The following NDUFS8 variants were observed in gnomAD, a reference collection of about 807,000 sequenced individuals.
NDUFS8 encodes the protein NADH:ubiquinone oxidoreductase core subunit S8.
A neutral mutation model predicts 25.6 loss-of-function variants in NDUFS8; 13 were observed. The observed-to-expected ratio is 0.51, with a 90% CI of 0.33 to 0.81. NDUFS8 has a LOEUF of 0.81. Among genes scored for constraint, NDUFS8 ranks in the 30% least tolerant of loss-of-function variants. NDUFS8 has a pLI of 0.02. For synonymous variants in NDUFS8, 119 were observed against 119.4 expected, an observed-to-expected ratio of 1.00 and a Z score of 0.02; for missense variants, 257 against 300.9, an observed-to-expected ratio of 0.85 and a Z score of 1.08.
rs191280028 is a variant in NDUFS8, at chr11:68,036,111, G to A, written c.373-142G>A. 112 of 1,363,258 alleles carry A rather than the reference G, an allele frequency of 8.2e-5. No homozygotes were observed. The African/African-American group carries it at 1.1e-3, about 14-fold the overall frequency. The allele number at this position is 1,363,258 out of a possible 1,614,324, so 84.4% of individuals were successfully genotyped here. On this transcript the variant is annotated intron_variant, in intron 5 of 6. Transcript: ENST00000313468. ...GGCGCGAGCACCAGAGGTGCAGGGC[G>A]GCCTCTTAGCCGGAGTCCAGGAGGC...
At position 68,033,010 on chromosome 11, in the gene NDUFS8, G is replaced by C; in HGVS notation, c.197G>C (p.Arg66Pro). Reference protein sequence around the residue: ...ARTLLWTELFRGLGMTLSYLF... With the variant: ...ARTLLWTELFPGLGMTLSYLF... ...ACCCTGCTGTGGACTGAGCTCTTCC[G>C]AGGTGCGTCCTGGGCATGAGGGGAC... Residue 66 changes from arginine to proline, a missense_variant and splice_region_variant, in exon 4 of 7, where the codon CGA becomes CCA. By Grantham distance (103) the Arg-to-Pro change is moderately radical. Transcript: ENST00000313468. The C allele has an allele frequency of 1.2e-6, 2 of 1,613,754 alleles. No homozygotes were observed. Among genetic ancestry groups the C allele is most frequent in the African/African-American group, 1.3e-5 (1 of 75,034 alleles).
intron 5 of NDUFS8, 51 bp from the exon 6 acceptor site, chr11:68,036,202 G>T (rs1170918554): frequency 6.2e-7 from 1 of 1,609,796 alleles, no homozygotes; most frequent in Non-Finnish European, 8.5e-7. Flanking sequence ...GGGCCCTGGG[G>T]GCTGGGATGT....
chr11:68,036,032 AAAAAAAAAAAC>A (rs1215452794), intron 5 of NDUFS8: 10 of 387,848 alleles, frequency 2.6e-5, no homozygotes, highest in South Asian at 6.1e-5. Flanking sequence ...AAAAAAAAAA[AAAAAAAAAAAC>A]CAGCAAGGCA....
At position 68,032,136 on chromosome 11, in the gene NDUFS8, CTTT is replaced by C; in HGVS notation, c.1-13_1-11del. The C allele has an allele frequency of 6.2e-7, 1 of 1,611,998 alleles. No homozygotes were observed. The highest frequency in any genetic ancestry group is 8.5e-7 in the Non-Finnish European group (1 of 1,179,874). On this transcript the variant is annotated splice_polypyrimidine_tract_variant and intron_variant, in intron 1 of 6. Transcript: ENST00000313468. ...CTTGGGCACACCCCACCCTCCATCC[CTTT>C]TTATGCCACCAGATGCGCTGCCTGA...
At chr11:68,031,204 G>A (rs929581597) in intron 1 of NDUFS8, 3 of 214,466 alleles carry the variant, frequency 1.4e-5, no homozygotes, top group African/African-American at 4.8e-5. Flanking sequence ...GCGGCAGGCT[G>A]GGGGACAGTT....
chr11:68,032,941 A>T lies in NDUFS8; in HGVS notation c.128A>T (p.Asp43Val), dbSNP rs765903654. The change falls in exon 4 of 7, where the codon GAT becomes GTT. Residue 43 changes from aspartate (D) to valine (V), a missense_variant. By Grantham distance (152) the Asp-to-Val change is radical. Coordinates refer to ENST00000313468, the MANE Select transcript of NDUFS8 (RefSeq NM_002496.4). The stretch of plus-strand genomic sequence containing the variant: ...TCTGCAGAGTATGTGAACATGCAGG[A>T]TCCCGAGATGGACATGAAGTCAGTG... ...AATYKYVNMQ[D>V]PEMDMKSVTD... The T allele has an allele frequency of 1.9e-6, 3 of 1,613,884 alleles. No individual in the cohort carries two copies. The South Asian group carries it at 3.3e-5, about 18-fold the overall frequency.
Position 68,032,181 on chromosome 11 carries a change from G to T in NDUFS8, c.30G>T (p.Leu10=). 6.2e-7 allele frequency: 1 copy of T among 1,612,956 alleles called. No homozygotes were observed. Among genetic ancestry groups the T allele is most frequent in the Non-Finnish European group, 8.5e-7 (1 of 1,180,026 alleles). Residue 10 remains leucine, a synonymous_variant, in exon 2 of 7, where the codon CTG becomes CTT. Coordinates refer to ENST00000313468, the MANE Select transcript of NDUFS8 (RefSeq NM_002496.4). ...GCTGCCTGACCACGCCTATGCTGCT[G>T]CGGGCCCTGGCCCAGGCTGCACGTG... The part of the protein sequence containing the change: MRCLTTPML[L]RALAQAARAG...
chr11:68,034,794 GTT>G (rs1854849632), intron 5 of NDUFS8: 1 of 151,604 alleles, frequency 6.6e-6, no homozygotes, highest in Non-Finnish European at 1.5e-5. Flanking sequence ...ATTAGGGCCG[GTT>G]GCGGTGGCTC....
intron 3 of NDUFS8, 86 bp from the exon 4 acceptor site, chr11:68,032,837 G>T (rs752474420): frequency 2.2e-5 from 29 of 1,330,810 alleles, no homozygotes; most frequent in Admixed American, 6.8e-5. Flanking sequence ...GCACCTGGAA[G>T]TGAGGGCCAG....
intron 5 of NDUFS8, 177 bp from the exon 6 acceptor site, chr11:68,036,076 T>C: frequency 1.1e-6 from 1 of 896,062 alleles, no homozygotes; most frequent in Non-Finnish European, 1.7e-6. Flanking sequence ...GGGCACGTGC[T>C]GAGGAGACAG....
At chr11:68,033,858 G>T (rs998586074) in intron 5 of NDUFS8, 2 of 174,232 alleles carry the variant, frequency 1.1e-5, no homozygotes, top group East Asian at 3.3e-4. Flanking sequence ...AGTGTTCTGT[G>T]ACTCGGGTGG....
In NDUFS8 at chr11:68,033,240, G is replaced by A. The variant is rs1030352567; in HGVS notation, c.329G>A (p.Arg110His). The stretch of plus-strand genomic sequence containing the variant: ...CGCCGGTACCCATCCGGGGAGGAGC[G>A]TTGCATTGCCTGCAAGCTCTGCGAG... The part of the protein sequence containing the change: ...ALRRYPSGEE[R>H]CIACKLCEAI... The change falls in exon 5 of 7, where the codon CGT becomes CAT. Residue 110 changes from arginine (R) to histidine (H), a missense_variant. Transcript: ENST00000313468. The A allele has an allele frequency of 1.2e-6, 2 of 1,610,912 alleles. No homozygotes were observed. The highest frequency in any genetic ancestry group is 1.1e-5 in the South Asian group (1 of 90,746).
chr11:68,033,451 C>T (rs1360884716), intron 5 of NDUFS8, 168 bp downstream of exon 5: 1 of 837,552 alleles, frequency 1.2e-6, no homozygotes, highest in Non-Finnish European at 1.9e-6. Flanking sequence ...GGGCTTGTTA[C>T]CAGAGCACAG....
Position 68,036,491 on chromosome 11 carries a change from C to T in NDUFS8, c.531C>T (p.Thr177=), listed in dbSNP as rs1590792122. ...CCAACTTTGAGTTCTCCACGGAGAC[C>T]CATGAGGAGCTGCTGTACAACAAGG... is the stretch of plus-strand genomic sequence containing the variant. ...EGPNFEFSTE[T]HEELLYNKEK... Residue 177 remains threonine (T), a synonymous_variant, in exon 7 of 7, where the codon ACC becomes ACT. Coordinates refer to ENST00000313468, the MANE Select transcript of NDUFS8 (RefSeq NM_002496.4). The T allele has an allele frequency of 8.1e-6, 13 of 1,614,086 alleles. No homozygotes were observed. The highest frequency in any genetic ancestry group is 1.1e-5 in the Non-Finnish European group (13 of 1,179,992).
rs1854892451 is a variant in NDUFS8, at chr11:68,036,389, A to T, written c.501+8A>T. ...GTGGATGCCATCGTCGAGGCACGTG[A>T]GGCCCCCGGGTGGGAGGGGGCCTGA... On this transcript the variant is annotated splice_region_variant and intron_variant, in intron 6 of 6. Transcript: ENST00000313468. 1 of 1,613,662 alleles carries T rather than the reference A, an allele frequency of 6.2e-7. No individual in the cohort carries two copies. The highest frequency in any genetic ancestry group is 1.1e-5 in the South Asian group (1 of 91,078).
At chr11:68,031,325 T>C (rs1854762454) in intron 1 of NDUFS8, among the ~76,000 whole-genome samples, 1 of 152,180 alleles carries the variant, frequency 6.6e-6, no homozygotes, top group Admixed American at 6.5e-5. Context: ...CACCTCCTTA[T>C]CGTGTGACTT....
At chr11:68,033,580 C>A in intron 5 of NDUFS8, 1 of 496,648 alleles carries the variant, frequency 2.0e-6, no homozygotes, top group South Asian at 2.2e-5. Flanking sequence ...TGGGGTGACA[C>A]CTGAGGCCAT....
intron 5 of NDUFS8, 40 bp from the exon 6 acceptor site, chr11:68,036,213 G>T: frequency 6.2e-7 from 1 of 1,611,104 alleles, no homozygotes; most frequent in South Asian, 1.1e-5. Context: ...GCTGGGATGT[G>T]ACAGGGCAGC....
chr11:68,036,262 A>G lies in NDUFS8; in HGVS notation c.382A>G (p.Ile128Val). Reference protein sequence around the residue: ...EAICPAQAITIEAEPRADGSR... With the variant: ...EAICPAQAITVEAEPRADGSR... ...GTGGCCCCTCCCGCAGGCCATCACC[A>G]TCGAGGCTGAGCCAAGAGCTGATGG... Residue 128 changes from isoleucine (I) to valine (V), a missense_variant, in exon 6 of 7, where the codon ATC becomes GTC. By Grantham distance (29) the Ile-to-Val change is conservative. Coordinates refer to ENST00000313468, the MANE Select transcript of NDUFS8 (RefSeq NM_002496.4). 1 of 1,612,710 alleles carries G rather than the reference A, an allele frequency of 6.2e-7. No individual in the cohort carries two copies. Among genetic ancestry groups the G allele is most frequent in the Non-Finnish European group, 8.5e-7 (1 of 1,179,786 alleles).
Sources: allele counts gnomAD v4.1 joint callset (sites outside exome capture counted in the v4.1 genomes callset), GRCh38; gene constraint gnomAD v4.1.1; transcripts MANE v1.5; gene names NCBI Gene and HGNC (gene_info 2026-07-23, HGNC 2026-07-21).